Variants in SERPINA11 observed in about 807,000 individuals in gnomAD.
The protein encoded by SERPINA11 is serpin family A member 11, also known as serpin A11.
In SERPINA11, 28 loss-of-function variants were observed where a neutral mutation model predicts 29.4. The observed-to-expected ratio is 0.95, with a 90% CI of 0.70 to 1.30. The LOEUF is 1.30. Among genes scored for constraint, SERPINA11 ranks in the 50% most tolerant of loss-of-function variants. The probability of loss-of-function intolerance (pLI) is 0.00; values close to 1 mark genes in which losing one functional copy is unlikely to be tolerated. For missense variants in SERPINA11, 530 were observed against 507.3 expected (o/e 1.04, Z -0.43); for synonymous variants, 253 against 206.6 (o/e 1.22, Z -1.92).
Position 94,443,154 on chromosome 14 carries a change from A to G in SERPINA11, c.989T>C (p.Ile330Thr), listed in dbSNP as rs760101089. Reference protein sequence around the residue: ...TYNLEDILPQIGLTNILNLEA... With the variant: ...TYNLEDILPQTGLTNILNLEA... ...TAAGTTGAGTATGTTGGTGAGACCA[A>G]TTTGGGGAAGTATGTCTTCCAGGTT... is the stretch of plus-strand genomic sequence containing the variant. Residue 330 changes from isoleucine to threonine, a missense_variant, in exon 4 of 5, where the codon ATT (isoleucine) becomes ACT (threonine). Coordinates refer to ENST00000334708, the MANE Select transcript of SERPINA11 (RefSeq NM_001080451.2). 2 of 1,614,110 alleles carry G rather than the reference A, an allele frequency of 1.2e-6. No individual in the cohort carries two copies. The highest frequency in any genetic ancestry group is 2.7e-5 in the African/African-American group (2 of 75,050).
At chr14:94,449,940 A>G (rs966446694) in intron 1 of SERPINA11, among the ~76,000 whole-genome samples, 1 of 152,180 alleles carries the variant, frequency 6.6e-6, no homozygotes, top group African/African-American at 2.4e-5. Flanking sequence ...TCAGGCCCCA[A>G]GAGAAAGAAG....
intron 3 of SERPINA11, among the ~76,000 whole-genome samples, chr14:94,445,770 T>C (rs1297141786): frequency 6.6e-6 from 1 of 151,978 alleles, no homozygotes; most frequent in African/African-American, 2.4e-5. Flanking sequence ...AGAGGCAGGG[T>C]CTTGCTATGT....
intron 3 of SERPINA11, 56 bp from the exon 4 acceptor site, chr14:94,443,281 T>C: frequency 6.4e-7 from 1 of 1,553,414 alleles, no homozygotes; most frequent in South Asian, 1.2e-5. Flanking sequence ...GTGCCACTCC[T>C]GCTCTGTCTG....
At chr14:94,449,738 G>A (rs924829487) in intron 1 of SERPINA11, among the ~76,000 whole-genome samples, 3 of 151,954 alleles carry the variant, frequency 2.0e-5, no homozygotes, top group African/African-American at 7.3e-5. Flanking sequence ...ATTTCCTAGA[G>A]TTAAGGGTTT....
chr14:94,442,997 C>A (rs1314497875), intron 4 of SERPINA11, 81 bp downstream of exon 4: 4 of 1,493,434 alleles, frequency 2.7e-6, no homozygotes, highest in East Asian at 2.3e-5. Context: ...AGGAACTTGA[C>A]TTTTAAATGT....
chr14:94,450,000 G>A (rs1475071649), intron 1 of SERPINA11, among the ~76,000 whole-genome samples: 2 of 152,150 alleles, frequency 1.3e-5, no homozygotes, highest in Non-Finnish European at 2.9e-5. Context: ...GCGATGTGAG[G>A]ATCGGCCATC....
At position 94,449,393 on chromosome 14, in the gene SERPINA11, T is replaced by TTTTTTCC. The variant is rs1898518267; in HGVS notation, c.-3-617_-3-616insGGAAAAA. ...TTCCATAGTCTAGCCTCCCTCCCTC[T>TTTTTTCC]TTCTTTCTTTCTATTCTTTCTTTCT... On this transcript the variant is annotated intron_variant, in intron 1 of 4. Coordinates refer to ENST00000334708, the MANE Select transcript of SERPINA11 (RefSeq NM_001080451.2). 8.4e-4 allele frequency among the ~76,000 whole-genome samples: 34 copies of TTTTTTCC among 40,534 alleles called. 2 individuals are homozygous for TTTTTTCC. The highest frequency in any genetic ancestry group is 3.3e-3 in the African/African-American group (33 of 10,064). 26.6% of individuals were successfully genotyped at this position (40,534 alleles called of 152,430 possible).
chr14:94,448,838 GCT>G, intron 1 of SERPINA11, 61 bp from the exon 2 acceptor site: 1 of 1,433,096 alleles, frequency 7.0e-7, no homozygotes. Context: ...ATTCTCTATT[GCT>G]CATACCACAA....
At chr14:94,443,648 G>T (rs1898384395) in intron 3 of SERPINA11, among the ~76,000 whole-genome samples, 1 of 152,158 alleles carries the variant, frequency 6.6e-6, no homozygotes, top group African/African-American at 2.4e-5. Flanking sequence ...TCTGAACTAG[G>T]TCCTAAATCC....
At chr14:94,451,256 C>T (rs1451568107) in intron 1 of SERPINA11, among the ~76,000 whole-genome samples, 2 of 152,182 alleles carry the variant, frequency 1.3e-5, no homozygotes, top group Non-Finnish European at 2.9e-5. Context: ...TCAGGAGGGA[C>T]GAATGTGGTC....
intron 2 of SERPINA11, among the ~76,000 whole-genome samples, chr14:94,447,913 C>T (rs1363484876): frequency 6.6e-6 from 1 of 152,218 alleles, no homozygotes; most frequent in Admixed American, 6.5e-5. Flanking sequence ...AACTCTGTGG[C>T]ACCCAATGCC....
chr14:94,446,711 A>G (rs1898446626), intron 2 of SERPINA11, 107 bp from the exon 3 acceptor site: 1 of 1,104,986 alleles, frequency 9.0e-7, no homozygotes, highest in African/African-American at 1.6e-5. Flanking sequence ...GTATGTGGCA[A>G]AAAATGTGGA....
Position 94,448,227 on chromosome 14 carries a change from T to C in SERPINA11, c.548A>G (p.Tyr183Cys), listed in dbSNP as rs1327009258. The C allele has an allele frequency of 6.2e-7, 1 of 1,614,102 alleles. No individual in the cohort carries two copies. The highest frequency in any genetic ancestry group is 2.2e-5 in the East Asian group (1 of 44,894). Reference sequence around the variant, plus strand: ...TTGCCCGTATGTTTGCCTTCTCAAATAGTCATTAATCTGCCTCCCAGTTGT... The same window carrying C: ...TTGCCCGTATGTTTGCCTTCTCAAACAGTCATTAATCTGCCTCCCAGTTGT... ...SVTTGRQIND[Y>C]LRRQTYGQVV... Residue 183 changes from tyrosine to cysteine, a missense_variant, in exon 2 of 5, where the codon TAT becomes TGT. By Grantham distance (194) the Tyr-to-Cys change is radical. Transcript: ENST00000334708.
rs892495151 is a variant in SERPINA11 at position 94,446,285 on chromosome 14, G to C, written c.917+46C>G. 1.4e-5 allele frequency: 22 copies of C among 1,560,484 alleles called. No homozygotes were observed. In the Admixed American group the frequency reaches 3.8e-4, roughly 27 times the overall value. ...GCTGGAGTTGATCAAGACCTGCTGGGGTTCTTGAGCAAGGTCAGCCAGCAT... is the reference window on the plus strand; with the variant it reads ...GCTGGAGTTGATCAAGACCTGCTGGCGTTCTTGAGCAAGGTCAGCCAGCAT... On this transcript the variant is annotated intron_variant, in intron 3 of 4. Transcript: ENST00000334708.
intron 1 of SERPINA11, among the ~76,000 whole-genome samples, chr14:94,449,229 T>C (rs1898512411): frequency 1.3e-5 from 2 of 152,026 alleles, no homozygotes; most frequent in South Asian, 4.2e-4. Flanking sequence ...CATGTTCCTG[T>C]AGTCGCTGAG....
Position 94,443,060 on chromosome 14 carries a change from C to T in SERPINA11, c.1065+18G>A. Reference sequence around the variant, plus strand: ...CCTACCCCCACCTGCCCACAAACATCCATGTTCACCACTTTACCTTGGAGA... The same window carrying T: ...CCTACCCCCACCTGCCCACAAACATTCATGTTCACCACTTTACCTTGGAGA... On this transcript the variant is annotated intron_variant, in intron 4 of 4. Coordinates refer to ENST00000334708, the MANE Select transcript of SERPINA11 (RefSeq NM_001080451.2). The T allele has an allele frequency of 1.2e-6, 2 of 1,600,044 alleles. No individual in the cohort carries two copies. The highest frequency in any genetic ancestry group is 1.7e-6 in the Non-Finnish European group (2 of 1,174,752).
chr14:94,449,153 C>T (rs919208408), intron 1 of SERPINA11, among the ~76,000 whole-genome samples: 4 of 152,106 alleles, frequency 2.6e-5, no homozygotes, highest in African/African-American at 7.2e-5. Flanking sequence ...GAGTTTGAGA[C>T]CAGGCTGGGC....
At chr14:94,444,527 C>T (rs909176866) in intron 3 of SERPINA11, among the ~76,000 whole-genome samples, 2 of 152,022 alleles carry the variant, frequency 1.3e-5, no homozygotes, top group African/African-American at 4.8e-5. Context: ...TATGGCACTC[C>T]CTTCTGTGAT....
chr14:94,443,026 A>G, intron 4 of SERPINA11, 52 bp downstream of exon 4: 19 of 1,559,876 alleles, frequency 1.2e-5, no homozygotes, highest in Non-Finnish European at 1.6e-5. Context: ...CCAAAGGAGA[A>G]ACCTCCTACC....
Sources: allele counts gnomAD v4.1 joint callset (sites outside exome capture counted in the v4.1 genomes callset), GRCh38; gene constraint gnomAD v4.1.1; transcripts MANE v1.5; gene names NCBI Gene and HGNC (gene_info 2026-07-23, HGNC 2026-07-21).